The following NEK5 variants were observed in gnomAD, a reference collection of about 807,000 sequenced individuals.
NEK5 encodes NIMA related kinase 5, also known as serine/threonine-protein kinase Nek5.
NEK5 carries 88 observed loss-of-function variants against 109.2 expected under a neutral mutation model. That is an observed-to-expected ratio of 0.81 (90% CI 0.68 to 0.96). The LOEUF is 0.96. NEK5 is among the 40% of genes least tolerant of loss of function. The pLI is 0.00. For synonymous variants in NEK5, 283 were observed against 299.9 expected (o/e 0.94, Z 0.58); for missense variants, 834 against 920.7 (o/e 0.91, Z 1.22).
intron 23 of NEK5, among the ~76,000 whole-genome samples, chr13:52,048,204 G>A (rs1640833694): frequency 6.6e-6 from 1 of 152,132 alleles, no homozygotes; most frequent in African/African-American, 2.4e-5. Flanking sequence ...ACCTTGAACT[G>A]ACTGCTATAC....
At chr13:52,074,280 C>T (rs1954829468) in intron 19 of NEK5, among the ~76,000 whole-genome samples, 1 of 152,070 alleles carries the variant, frequency 6.6e-6, no homozygotes, top group Non-Finnish European at 1.5e-5. Context: ...GGTTCAAAAA[C>T]AAACACATAA....
At chr13:52,104,255 G>A (rs980328943) in intron 9 of NEK5, among the ~76,000 whole-genome samples, 17 of 152,196 alleles carry the variant, frequency 1.1e-4, no homozygotes, top group South Asian at 4.1e-4. Context: ...GAGCCACCAC[G>A]CCAAGCCCAC....
intron 23 of NEK5, among the ~76,000 whole-genome samples, chr13:52,047,514 T>C (rs946399519): frequency 6.6e-6 from 1 of 152,220 alleles, no homozygotes; most frequent in African/African-American, 2.4e-5. Context: ...CTTAAAAAAT[T>C]TGGGACGTAT....
At chr13:52,079,454 C>T (rs952419241) in intron 17 of NEK5, among the ~76,000 whole-genome samples, 52 of 152,252 alleles carry the variant, frequency 3.4e-4, no homozygotes, top group Non-Finnish European at 5.7e-4. Context: ...GGCGCACCGC[C>T]ACGCCTGACT....
At chr13:52,106,255 G>A (rs1389774532) in intron 8 of NEK5, among the ~76,000 whole-genome samples, 1 of 151,800 alleles carries the variant, frequency 6.6e-6, no homozygotes, top group Non-Finnish European at 1.5e-5. Flanking sequence ...TCTATTGTCT[G>A]AGCTTTGCCT....
intron 17 of NEK5, among the ~76,000 whole-genome samples, chr13:52,077,655 C>T (rs1331747992): frequency 4.6e-5 from 7 of 152,232 alleles, no homozygotes; most frequent in African/African-American, 9.6e-5. Flanking sequence ...TAACACAGTG[C>T]GACCATTCTG....
chr13:52,098,682 C>A (rs1566794892), intron 12 of NEK5, among the ~76,000 whole-genome samples: 1 of 152,072 alleles, frequency 6.6e-6, no homozygotes, highest in African/African-American at 2.4e-5. Flanking sequence ...TTTTCTGTTG[C>A]TATGTTACTC....
intron 21 of NEK5, 173 bp downstream of exon 21, chr13:52,065,311 G>A (rs1954668854): frequency 3.3e-6 from 3 of 896,920 alleles, no homozygotes; most frequent in Non-Finnish European, 5.6e-6. Context: ...AGGATAATTA[G>A]CAGGCAAGTC....
intron 20 of NEK5, 37 bp from the exon 21 acceptor site, chr13:52,065,646 G>T (rs758404159): frequency 8.2e-6 from 12 of 1,466,650 alleles, no homozygotes; most frequent in Non-Finnish European, 1.0e-5. Flanking sequence ...TTCGAAAGCA[G>T]TCAAAGTGTG....
At chr13:52,043,824 T>C (rs929751413) in intron 23 of NEK5, among the ~76,000 whole-genome samples, 1 of 152,212 alleles carries the variant, frequency 6.6e-6, no homozygotes, top group Admixed American at 6.5e-5. Context: ...ACTGGAACTC[T>C]TACACACTGT....
At chr13:52,051,188 T>A (rs1333637184) in intron 22 of NEK5, among the ~76,000 whole-genome samples, 1 of 152,096 alleles carries the variant, frequency 6.6e-6, no homozygotes, top group African/African-American at 2.4e-5. Flanking sequence ...CAGAATTTTT[T>A]TTTTCAGTTG....
At chr13:52,044,724 T>C (rs1275322514) in intron 23 of NEK5, among the ~76,000 whole-genome samples, 1 of 152,222 alleles carries the variant, frequency 6.6e-6, no homozygotes, top group Non-Finnish European at 1.5e-5. Context: ...CTGGCTGTTA[T>C]CTAACGAAGT....
At chr13:52,113,124 T>C (rs892508909) in intron 4 of NEK5, among the ~76,000 whole-genome samples, 2 of 150,988 alleles carry the variant, frequency 1.3e-5, no homozygotes, top group South Asian at 4.2e-4. Context: ...GAGTAGTTTT[T>C]AAAAAAAATA....
intron 20 of NEK5, among the ~76,000 whole-genome samples, chr13:52,066,788 AGT>A (rs1487466641): frequency 6.6e-6 from 1 of 150,880 alleles, no homozygotes; most frequent in East Asian, 2.0e-4. Flanking sequence ...TTGGTGACAG[AGT>A]GAGACGCTGT....
intron 22 of NEK5, among the ~76,000 whole-genome samples, chr13:52,055,572 G>A (rs1954546946): frequency 6.6e-6 from 1 of 152,130 alleles, no homozygotes; most frequent in Non-Finnish European, 1.5e-5. Context: ...ATCCTCAAAG[G>A]GAAGCCCATC....
chr13:52,114,630 G>C (rs1955817281), intron 4 of NEK5, among the ~76,000 whole-genome samples: 1 of 152,222 alleles, frequency 6.6e-6, no homozygotes, highest in Non-Finnish European at 1.5e-5. Flanking sequence ...TAGTTGGGGA[G>C]TCCCTCAGCA....
At chr13:52,083,553 T>TG (rs1325226673) in intron 16 of NEK5, among the ~76,000 whole-genome samples, 1,513 of 150,666 alleles carry the variant, frequency 0.01, 10 homozygotes, top group Non-Finnish European at 0.016. Flanking sequence ...TTTTTTTTTT[T>TG]TGAGATGGAG....
intron 21 of NEK5, among the ~76,000 whole-genome samples, chr13:52,062,854 T>C (rs1247988341): frequency 6.6e-6 from 1 of 152,182 alleles, no homozygotes; most frequent in Non-Finnish European, 1.5e-5. Context: ...AATTTATATG[T>C]ATCTTTGAAC....
In NEK5 at chr13:52,087,447, C is replaced by T. The variant is rs140291042; in HGVS notation, c.1283G>A (p.Arg428His). 6.5e-5 allele frequency: 100 copies of T among 1,548,396 alleles called. No individual in the cohort carries two copies. The highest frequency in any genetic ancestry group is 5.1e-4 in the Middle Eastern group (3 of 5,934). Residue 428 changes from arginine (R) to histidine (H), a missense_variant, in exon 15 of 24, where the codon CGT becomes CAT. Arg to His is a conservative substitution (Grantham distance 29). This residue lies in a region of NEK5 where 777 missense variants were observed against 824.7 expected (regional missense o/e 0.94). Coordinates refer to ENST00000684899, the MANE Select transcript of NEK5 (RefSeq NM_001365552.1). ...KLKVEKQLGL[R>H]PSSAEPNYNQ... Reference sequence around the variant, plus strand: ...GTAATTTGGCTCGGCAGAAGATGGACGAAGACCCTATTTATTGAATGAAAT... The same window carrying T: ...GTAATTTGGCTCGGCAGAAGATGGATGAAGACCCTATTTATTGAATGAAAT...
Sources: gnomAD v4.1 joint callset for allele counts (sites outside exome capture counted in the v4.1 genomes callset) on GRCh38, gnomAD v4.1.1 for gene constraint, gnomAD v4.1.1 regional missense constraint, MANE v1.5 for transcripts, NCBI Gene and HGNC (gene_info 2026-07-23, HGNC 2026-07-21) for gene names.